The following SRP19 variants were observed in gnomAD, a reference collection of about 807,000 sequenced individuals.
SRP19 encodes the protein signal recognition particle 19.
In SRP19, 11 loss-of-function variants were observed where a neutral mutation model predicts 22.4. The ratio of observed to expected loss-of-function variants is 0.49; its 90% CI spans 0.31 to 0.81. The LOEUF (loss-of-function observed/expected upper bound fraction) is 0.81. SRP19 is among the 40% of genes least tolerant of loss of function. The pLI is 0.05. For missense variants in SRP19, 168 were observed against 175.9 expected (o/e 0.96, Z 0.25); for synonymous variants, 61 against 57.6 (o/e 1.06, Z -0.27).
At chr5:112,892,265 G>T (rs764268042) in exon 5 of SRP19, 19 of 1,613,974 alleles carry the variant, frequency 1.2e-5, no homozygotes, top group Non-Finnish European at 1.5e-5. Flanking sequence ...CTTATTAAGA[G>T]CATGTTTACA....
intron 2 of SRP19, 80 bp downstream of exon 2, chr5:112,862,663 C>A: frequency 1.6e-6 from 2 of 1,233,052 alleles, no homozygotes; most frequent in Non-Finnish European, 2.3e-6. Context: ...CTTGTTAGAG[C>A]CGCAGGGGGT....
chr5:112,865,670 T>C (rs1225248826), intron 4 of SRP19, among the ~76,000 whole-genome samples: 1 of 151,974 alleles, frequency 6.6e-6, no homozygotes, highest in African/African-American at 2.4e-5. Context: ...CTCAGCTCAC[T>C]GCAACCTCCG....
intron 4 of SRP19, chr5:112,878,642 AACTT>A: frequency 8.3e-7 from 1 of 1,208,904 alleles, no homozygotes; most frequent in East Asian, 2.5e-5. Context: ...TAAGCAAAGA[AACTT>A]ACAACACATT....
exon 5 of SRP19, chr5:112,891,603 G>T: frequency 1.3e-6 from 2 of 1,565,684 alleles, no homozygotes; most frequent in Non-Finnish European, 8.7e-7. Flanking sequence ...ATTCCCATAG[G>T]TTAAGAATGT....
chr5:112,894,281 A>T (rs1033744954), downstream of SRP19: 2 of 152,076 alleles, frequency 1.3e-5, no homozygotes, highest in African/African-American at 4.8e-5. Flanking sequence ...CACCGTGCCC[A>T]GCTAATTTTT....
At chr5:112,864,564 C>T (rs1183151242) in intron 3 of SRP19, 36 bp downstream of exon 3, 2 of 1,611,234 alleles carry the variant, frequency 1.2e-6, no homozygotes, top group Non-Finnish European at 1.7e-6. Flanking sequence ...CCATACTCAT[C>T]TAATTGATGT....
chr5:112,878,320 A>T (rs569230351), intron 4 of SRP19: 1 of 157,520 alleles, frequency 6.3e-6, no homozygotes, highest in South Asian at 1.9e-4. Context: ...TGTTGTAGTC[A>T]GACAGTAACA....
intron 4 of SRP19, among the ~76,000 whole-genome samples, chr5:112,889,471 A>G (rs540058501): frequency 2.6e-5 from 4 of 150,992 alleles, no homozygotes; most frequent in African/African-American, 9.8e-5. Flanking sequence ...AAGGAAAGCA[A>G]TTCACCAAGA....
intron 4 of SRP19, among the ~76,000 whole-genome samples, chr5:112,875,688 G>T (rs1166211461): frequency 1.3e-5 from 2 of 152,176 alleles, no homozygotes; most frequent in Non-Finnish European, 2.9e-5. Context: ...AAATTCTCAA[G>T]TACTCCTTTT....
At chr5:112,864,600 C>G (rs1458043763) in intron 3 of SRP19, 21 bp from the exon 4 acceptor site, 1 of 1,612,360 alleles carries the variant, frequency 6.2e-7, no homozygotes, top group Non-Finnish European at 8.5e-7. Flanking sequence ...TCCTGTTTTT[C>G]TTTTGTTTCG....
chr5:112,866,116 CT>C (rs67108157), intron 4 of SRP19, among the ~76,000 whole-genome samples: 76,969 of 141,890 alleles, frequency 0.54, 22,176 homozygotes, highest in South Asian at 0.72. Flanking sequence ...AGTCTTTTTT[CT>C]TTTTTTTTTT....
At chr5:112,880,708 T>C (rs188480457) in intron 4 of SRP19, among the ~76,000 whole-genome samples, 2 of 152,330 alleles carry the variant, frequency 1.3e-5, no homozygotes, top group Non-Finnish European at 2.9e-5. Context: ...AAGATTGGAT[T>C]TTAAGTATTG....
chr5:112,864,592 C>G (rs774240800), intron 3 of SRP19, 29 bp from the exon 4 acceptor site: 1 of 1,611,858 alleles, frequency 6.2e-7, no homozygotes, highest in African/African-American at 1.3e-5. Context: ...TTCTTAAGTC[C>G]TGTTTTTCTT....
At chr5:112,877,979 CTCTGTGTGTG>C (rs1459933883) in intron 4 of SRP19, 10 of 115,478 alleles carry the variant, frequency 8.7e-5, no homozygotes, top group Middle Eastern at 7.9e-3. Context: ...TTACAGGTTA[CTCTGTGTGTG>C]TGTGTGTGTG....
chr5:112,887,567 T>A (rs918977663), intron 4 of SRP19, among the ~76,000 whole-genome samples: 3 of 152,220 alleles, frequency 2.0e-5, no homozygotes, highest in Non-Finnish European at 2.9e-5. Flanking sequence ...AAGCCTAATA[T>A]CTAGGAGGCC....
At chr5:112,878,717 G>T in intron 4 of SRP19, 2 of 1,583,066 alleles carry the variant, frequency 1.3e-6, no homozygotes, top group Non-Finnish European at 1.7e-6. Context: ...TTATACCACA[G>T]TCCCTAATAT....
At chr5:112,865,384 C>T (rs999261735) in intron 4 of SRP19, among the ~76,000 whole-genome samples, 1 of 152,050 alleles carries the variant, frequency 6.6e-6, no homozygotes, top group Non-Finnish European at 1.5e-5. Context: ...AAAACAATAG[C>T]AAAACGACAT....
At chr5:112,862,705 A>G in intron 2 of SRP19, 122 bp downstream of exon 2, 2 of 841,336 alleles carry the variant, frequency 2.4e-6, no homozygotes, top group Non-Finnish European at 3.8e-6. Context: ...GGGCTTGAGA[A>G]CACAGCCAAG....
chr5:112,873,031 TATC>T (rs1767790228), downstream of SRP19, among the ~76,000 whole-genome samples: 1 of 151,960 alleles, frequency 6.6e-6, no homozygotes, highest in Admixed American at 6.6e-5. Flanking sequence ...TCTAGTTTAT[TATC>T]ATGATCCTGG....
Sources: allele counts gnomAD v4.1 joint callset (sites outside exome capture counted in the v4.1 genomes callset), GRCh38; gene constraint gnomAD v4.1.1; transcripts MANE v1.5; gene names NCBI Gene and HGNC (gene_info 2026-07-23, HGNC 2026-07-21).